TMEM132C: variants seen among roughly 807,000 people sequenced by gnomAD.
TMEM132C encodes the protein transmembrane protein 132C.
TMEM132C carries 29 observed loss-of-function variants against 61.4 expected under a neutral mutation model. The ratio of observed to expected loss-of-function variants is 0.47; its 90% CI spans 0.35 to 0.64. TMEM132C has a LOEUF of 0.64. Among genes scored for constraint, TMEM132C ranks in the 30% least tolerant of loss-of-function variants. TMEM132C has a pLI of 0.00. For missense variants in TMEM132C, 1,408 were observed against 1,476.9 expected (o/e 0.95, Z 0.76); for synonymous variants, 656 against 633.1 (o/e 1.04, Z -0.54).
intron 4 of TMEM132C, among the ~76,000 whole-genome samples, chr12:128,664,117 C>T (rs11059813): frequency 1.6e-3 from 201 of 128,362 alleles, no homozygotes; most frequent in East Asian, 6.6e-3. Flanking sequence ...CACACGCACC[C>T]GCACGCACGC....
chr12:128,692,482 T>C (rs1566016817), intron 5 of TMEM132C, among the ~76,000 whole-genome samples: 3 of 152,250 alleles, frequency 2.0e-5, no homozygotes, highest in Admixed American at 1.3e-4. Flanking sequence ...GGGGTCATAT[T>C]GTTTCTCTAT....
rs61627760 is a variant in TMEM132C at position 128,304,639 on chromosome 12, A to AAGAAAGAAAG, written c.85+37153_85+37154insGAAAGAAAGA. Among the ~76,000 whole-genome samples the AAGAAAGAAAG allele has an allele frequency of 4.6e-4, 66 of 142,760 alleles. 1 individual carries two copies. In the South Asian group the frequency reaches 8.6e-3, roughly 19 times the overall value. The allele number at this position is 142,760 out of a possible 152,430, so 93.7% of individuals were successfully genotyped here. Reference sequence around the variant, plus strand: ...AAAGAAAGAAAGAAAGAAAGAAAGAAAAAAAAGAAAGAGCCTTTCAGAATC... The same window carrying AAGAAAGAAAG: ...AAAGAAAGAAAGAAAGAAAGAAAGAAAGAAAGAAAGAAAAAAGAAAGAGCCTTTCAGAATC... On this transcript the variant is annotated intron_variant, in intron 1 of 8. Coordinates refer to ENST00000435159, the MANE Select transcript of TMEM132C (RefSeq NM_001136103.3).
At chr12:128,620,509 T>G (rs779367218) in intron 4 of TMEM132C, among the ~76,000 whole-genome samples, 70 of 152,220 alleles carry the variant, frequency 4.6e-4, no homozygotes, top group Admixed American at 1.0e-3. Context: ...GTTAGCGTCA[T>G]GGACTTTCTT....
chr12:128,277,339 C>G (rs1870727649), intron 1 of TMEM132C, among the ~76,000 whole-genome samples: 1 of 152,206 alleles, frequency 6.6e-6, no homozygotes, highest in African/African-American at 2.4e-5. Context: ...CTGCTCTGTC[C>G]TCTTTGCTGT....
chr12:128,269,507 G>C (rs1215005066), intron 1 of TMEM132C, among the ~76,000 whole-genome samples: 1 of 152,094 alleles, frequency 6.6e-6, no homozygotes, highest in Non-Finnish European at 1.5e-5. Context: ...CACAACAAGG[G>C]AAAGTGCTGA....
chr12:128,281,128 T>G (rs1474678484), intron 1 of TMEM132C, among the ~76,000 whole-genome samples: 4 of 152,210 alleles, frequency 2.6e-5, no homozygotes, highest in African/African-American at 9.7e-5. Flanking sequence ...GGAGACAGCA[T>G]GAAGATGTGT....
At chr12:128,642,770 C>A (rs567777573) in intron 4 of TMEM132C, among the ~76,000 whole-genome samples, 1 of 152,284 alleles carries the variant, frequency 6.6e-6, no homozygotes, top group Middle Eastern at 3.4e-3. Flanking sequence ...TCCTTTATGG[C>A]AATGCAAAGT....
intron 1 of TMEM132C, among the ~76,000 whole-genome samples, chr12:128,285,727 C>G (rs1342292983): frequency 7.8e-6 from 1 of 128,792 alleles, no homozygotes; most frequent in East Asian, 2.4e-4. Flanking sequence ...CTCTTTCTCT[C>G]TCTCTCTCTC....
At chr12:128,487,386 A>C (rs1871533622) in intron 2 of TMEM132C, among the ~76,000 whole-genome samples, 1 of 152,138 alleles carries the variant, frequency 6.6e-6, no homozygotes, top group African/African-American at 2.4e-5. Context: ...AACCATTCTT[A>C]GCAATTTTAC....
At chr12:128,489,562 C>CATATATAT (rs10654008) in intron 2 of TMEM132C, among the ~76,000 whole-genome samples, 97 of 138,390 alleles carry the variant, frequency 7.0e-4, no homozygotes, top group African/African-American at 1.8e-3. Flanking sequence ...TTTATATGCT[C>CATATATAT]ATATATATAT....
intron 1 of TMEM132C, among the ~76,000 whole-genome samples, chr12:128,324,826 T>G (rs1375135328): frequency 6.6e-6 from 1 of 152,108 alleles, no homozygotes; most frequent in Non-Finnish European, 1.5e-5. Context: ...AGACCCTACC[T>G]CAAAAAAATT....
intron 5 of TMEM132C, among the ~76,000 whole-genome samples, chr12:128,677,530 A>G (rs1291567808): frequency 1.3e-5 from 2 of 152,092 alleles, no homozygotes; most frequent in Non-Finnish European, 2.9e-5. Flanking sequence ...GTCAGTTAGC[A>G]AGGAAAATAA....
chr12:128,508,382 C>T (rs1291938119), intron 2 of TMEM132C, among the ~76,000 whole-genome samples: 1 of 152,172 alleles, frequency 6.6e-6, no homozygotes, highest in Admixed American at 6.5e-5. Context: ...AGAGCCAAAC[C>T]ATATCAGTGG....
intron 2 of TMEM132C, among the ~76,000 whole-genome samples, chr12:128,496,390 A>G (rs7131848): frequency 0.52 from 79,588 of 151,846 alleles, 21,193 homozygotes; most frequent in African/African-American, 0.61. Flanking sequence ...GCCTTACTAG[A>G]TTGGGGAAGT....
intron 1 of TMEM132C, among the ~76,000 whole-genome samples, chr12:128,330,025 C>T (rs563224725): frequency 9.9e-5 from 15 of 152,190 alleles, no homozygotes; most frequent in African/African-American, 3.1e-4. Flanking sequence ...TGCCTGTAGG[C>T]GAGGGCCTTT....
intron 3 of TMEM132C, among the ~76,000 whole-genome samples, chr12:128,597,366 G>A (rs1225947473): frequency 3.3e-5 from 5 of 151,920 alleles, no homozygotes; most frequent in Non-Finnish European, 2.9e-5. Flanking sequence ...TGATCCCAGC[G>A]ACTTGGGAGC....
At chr12:128,504,841 G>A (rs764092467) in intron 2 of TMEM132C, among the ~76,000 whole-genome samples, 20 of 151,268 alleles carry the variant, frequency 1.3e-4, no homozygotes, top group Non-Finnish European at 2.2e-4. Flanking sequence ...GGGGGTGGGA[G>A]CAGAAACACA....
chr12:128,495,453 A>T (rs1324993802), intron 2 of TMEM132C, among the ~76,000 whole-genome samples: 2 of 152,050 alleles, frequency 1.3e-5, no homozygotes, highest in Admixed American at 6.5e-5. Flanking sequence ...GTCTCTCATT[A>T]TTATTGTGTG....
intron 1 of TMEM132C, among the ~76,000 whole-genome samples, chr12:128,343,909 C>T (rs1467242244): frequency 5.3e-5 from 8 of 152,150 alleles, no homozygotes; most frequent in Admixed American, 5.2e-4. Context: ...ACACAATATG[C>T]AGTGCTTTGT....
Sources: allele counts gnomAD v4.1 joint callset (sites outside exome capture counted in the v4.1 genomes callset), GRCh38; gene constraint gnomAD v4.1.1; transcripts MANE v1.5; gene names NCBI Gene and HGNC (gene_info 2026-07-23, HGNC 2026-07-21).